Variants in COL21A1 observed in about 807,000 individuals in gnomAD.
COL21A1 encodes collagen type XXI alpha 1 chain, also known as collagen alpha-1(XXI) chain.
In COL21A1, 149 loss-of-function variants were observed where a neutral mutation model predicts 137.9. The ratio of observed to expected loss-of-function variants is 1.08; its 90% CI spans 0.95 to 1.24. The LOEUF is 1.24. Ranked by LOEUF, COL21A1 falls within the 50% of genes most tolerant of loss-of-function variation. COL21A1 has a pLI of 0.00. For synonymous variants in COL21A1, 456 were observed against 391.5 expected (o/e 1.16, Z -1.95); for missense variants, 1,167 against 1,158.4 (o/e 1.01, Z -0.11).
At chr6:56,174,014 T>C (rs897746678) in intron 3 of COL21A1, among the ~76,000 whole-genome samples, 1 of 152,062 alleles carries the variant, frequency 6.6e-6, no homozygotes, top group African/African-American at 2.4e-5. Context: ...GGAATAAAAC[T>C]AAAAATTAAC....
chr6:56,260,645 A>AGAGAG, intron 1 of COL21A1, among the ~76,000 whole-genome samples: 5 of 42,498 alleles, frequency 1.2e-4, no homozygotes, highest in African/African-American at 2.8e-4. Flanking sequence ...GGAAGGAAGG[A>AGAGAG]AGGAAGGAAG....
intron 12 of COL21A1, among the ~76,000 whole-genome samples, chr6:56,129,787 C>A (rs187429692): frequency 1.3e-5 from 2 of 150,438 alleles, no homozygotes; most frequent in Non-Finnish European, 3.0e-5. Flanking sequence ...CACCCTAGAA[C>A]GAATTATTCC....
chr6:56,159,999 G>T (rs1776075474), intron 9 of COL21A1, among the ~76,000 whole-genome samples: 1 of 152,094 alleles, frequency 6.6e-6, no homozygotes, highest in Admixed American at 6.5e-5. Context: ...TATGACACTG[G>T]TCAACAGCCC....
chr6:56,288,642 C>T (rs1032754529), intron 1 of COL21A1, among the ~76,000 whole-genome samples: 2 of 152,144 alleles, frequency 1.3e-5, no homozygotes, highest in Non-Finnish European at 2.9e-5. Context: ...TCACCTGTCA[C>T]TCAGTATCTG....
At position 56,077,605 on chromosome 6, in the gene COL21A1, TA is replaced by T. The variant is rs764604812; in HGVS notation, c.1813-33del. On this transcript the variant is annotated intron_variant, in intron 17 of 29. Coordinates refer to ENST00000244728, the MANE Select transcript of COL21A1 (RefSeq NM_030820.4). ...ACAAATAAAATAGATTTTTAACTTA[TA>T]AAAAATTGAAGACTTTATCATTAAA... is the stretch of plus-strand genomic sequence containing the variant. 3 of 1,367,342 alleles carry T rather than the reference TA, an allele frequency of 2.2e-6. No individual in the cohort carries two copies. In the African/African-American group the frequency reaches 4.4e-5, roughly 20 times the overall value. The allele number at this position is 1,367,342 out of a possible 1,614,324, so 84.7% of individuals were successfully genotyped here. A position where few individuals can be genotyped will look rare whatever the true frequency, so the allele number is the denominator to read the frequency against.
intron 1 of COL21A1, among the ~76,000 whole-genome samples, chr6:56,270,276 CAGCTAA>C (rs1301685555): frequency 1.2e-4 from 18 of 152,316 alleles, no homozygotes; most frequent in Admixed American, 7.2e-4. Context: ...ATTCTTATGT[CAGCTAA>C]AATAGACTTT....
chr6:56,339,517 A>G (rs908767118), intron 1 of COL21A1, among the ~76,000 whole-genome samples: 2 of 152,220 alleles, frequency 1.3e-5, no homozygotes, highest in Non-Finnish European at 2.9e-5. Context: ...TTACTGATCT[A>G]GAATATGAAT....
intron 1 of COL21A1, among the ~76,000 whole-genome samples, chr6:56,207,469 T>C (rs1335242929): frequency 6.6e-6 from 1 of 152,048 alleles, no homozygotes; most frequent in Non-Finnish European, 1.5e-5. Context: ...ACTAACACCC[T>C]CTGAAGTCTA....
chr6:56,302,479 GTGA>G (rs1374897908), intron 1 of COL21A1, among the ~76,000 whole-genome samples: 1 of 151,888 alleles, frequency 6.6e-6, no homozygotes, highest in Non-Finnish European at 1.5e-5. Context: ...CTGATGGCCA[GTGA>G]TGATGAGCAT....
intron 5 of COL21A1, 131 bp from the exon 6 acceptor site, chr6:56,168,428 T>A: frequency 1.6e-6 from 1 of 608,198 alleles, no homozygotes; most frequent in Non-Finnish European, 2.5e-6. Flanking sequence ...TATTATACAT[T>A]AATTCACCCT....
intron 1 of COL21A1, among the ~76,000 whole-genome samples, chr6:56,333,042 C>A (rs1181237063): frequency 6.6e-6 from 1 of 151,998 alleles, no homozygotes; most frequent in African/African-American, 2.4e-5. Flanking sequence ...TTTTATCCTG[C>A]ACTTATGCTT....
At chr6:56,308,969 G>A (rs1764535372) in intron 1 of COL21A1, among the ~76,000 whole-genome samples, 1 of 152,034 alleles carries the variant, frequency 6.6e-6, no homozygotes, top group Non-Finnish European at 1.5e-5. Flanking sequence ...AGGATGGAGG[G>A]CAGAAAGATA....
chr6:56,155,053 A>ACCCTCTC (rs1775637862), intron 10 of COL21A1, among the ~76,000 whole-genome samples: 1 of 151,738 alleles, frequency 6.6e-6, no homozygotes, highest in African/African-American at 2.4e-5. Context: ...ATTATTCCTG[A>ACCCTCTC]CCCTCTCCCC....
intron 1 of COL21A1, among the ~76,000 whole-genome samples, chr6:56,283,874 A>ACACTCTCTCTCT (rs375116485): frequency 4.1e-5 from 6 of 146,188 alleles, no homozygotes; most frequent in Non-Finnish European, 7.5e-5. Context: ...TCACACACAC[A>ACACTCTCTCTCT]CTCTCTCTCT....
intron 17 of COL21A1, among the ~76,000 whole-genome samples, chr6:56,087,543 T>C (rs948728772): frequency 1.3e-5 from 2 of 152,282 alleles, no homozygotes; most frequent in South Asian, 2.1e-4. Context: ...GGACAAAGCA[T>C]TGATGGAACC....
chr6:56,315,003 A>G (rs990951821), intron 1 of COL21A1, among the ~76,000 whole-genome samples: 5 of 152,230 alleles, frequency 3.3e-5, no homozygotes, highest in Non-Finnish European at 4.4e-5. Flanking sequence ...CGCAGACTAC[A>G]TAACTTTACA....
intron 9 of COL21A1, among the ~76,000 whole-genome samples, chr6:56,160,651 T>C (rs1776129691): frequency 6.6e-6 from 1 of 152,224 alleles, no homozygotes; most frequent in East Asian, 1.9e-4. Context: ...TGTACTCAGC[T>C]GAAAAGCAGT....
At chr6:56,106,528 T>G (rs1277849160) in intron 16 of COL21A1, among the ~76,000 whole-genome samples, 1 of 152,114 alleles carries the variant, frequency 6.6e-6, no homozygotes, top group Non-Finnish European at 1.5e-5. Context: ...CTAAAGAAAC[T>G]TCTAACTTCA....
At chr6:56,098,910 T>C (rs562171046) in intron 17 of COL21A1, among the ~76,000 whole-genome samples, 1 of 148,770 alleles carries the variant, frequency 6.7e-6, no homozygotes, top group South Asian at 2.1e-4. Flanking sequence ...AGAGACGGGG[T>C]TTCACCGTGT....
Sources: gnomAD v4.1 joint callset for allele counts (sites outside exome capture counted in the v4.1 genomes callset) on GRCh38, gnomAD v4.1.1 for gene constraint, MANE v1.5 for transcripts, NCBI Gene and HGNC (gene_info 2026-07-23, HGNC 2026-07-21) for gene names.